The following SLC44A5 variants were observed in gnomAD, a reference collection of about 807,000 sequenced individuals.
SLC44A5 encodes choline transporter-like protein 5.
SLC44A5 carries 57 observed loss-of-function variants against 101.8 expected under a neutral mutation model. That is an observed-to-expected ratio of 0.56 (90% CI 0.45 to 0.70). SLC44A5 has a LOEUF of 0.70. SLC44A5 is among the 30% of genes least tolerant of loss of function. The pLI, the probability that SLC44A5 is intolerant of heterozygous loss-of-function variation, is 0.00. For synonymous variants in SLC44A5, 281 were observed against 290.9 expected, an observed-to-expected ratio of 0.97 and a Z score of 0.35; for missense variants, 737 against 853.1, an observed-to-expected ratio of 0.86 and a Z score of 1.70.
Position 75,330,065 on chromosome 1 carries a change from G to A in SLC44A5, c.101+9517C>T, listed in dbSNP as rs971208954. On this transcript the variant is annotated intron_variant, in intron 4 of 23. Transcript: ENST00000370859. ...TTATGTTCCCTTAAGTCTTTCCTAC[G>A]CTAGAATAATATTCTGTGTGGCAAA... Among the ~76,000 whole-genome samples, 22 of 149,200 alleles carry A rather than the reference G, an allele frequency of 1.5e-4. 1 individual carries two copies. The highest frequency in any genetic ancestry group is 6.4e-4 in the South Asian group (3 of 4,722).
At chr1:75,576,793 C>T (rs7551730) in intron 1 of SLC44A5, among the ~76,000 whole-genome samples, 47,690 of 151,944 alleles carry the variant, frequency 0.31, 8,628 homozygotes, top group Non-Finnish European at 0.42. Context: ...TGATGTCAGA[C>T]TGCCCAGGCT....
the SLC44A5 span, among the ~76,000 whole-genome samples, chr1:75,628,523 A>C: frequency 1.3e-5 from 2 of 152,136 alleles, no homozygotes; most frequent in African/African-American, 4.8e-5. Context: ...ACAACTGACA[A>C]ATGGCAATAA....
intron 2 of SLC44A5, among the ~76,000 whole-genome samples, chr1:75,477,758 G>A (rs917558431): frequency 8.5e-5 from 13 of 152,170 alleles, no homozygotes; most frequent in Admixed American, 3.9e-4. Context: ...TATGTGAAAA[G>A]ACCAAATCTA....
chr1:75,679,559 T>A, the SLC44A5 span, among the ~76,000 whole-genome samples: 1 of 151,598 alleles, frequency 6.6e-6, no homozygotes, highest in African/African-American at 2.4e-5. Flanking sequence ...GACAAGCAAA[T>A]GCTGAGAGAT....
rs79705886 is a variant in SLC44A5 at position 75,359,655 on chromosome 1, A to G, written c.53-20025T>C. Among the ~76,000 whole-genome samples, 3 of 152,008 alleles carry G rather than the reference A, an allele frequency of 2.0e-5. No individual in the cohort carries two copies. The East Asian group carries it at 5.8e-4, about 29-fold the overall frequency. ...ATGGGACTGTTGATAACTCTATAAC[A>G]TATTGATTTCAATTCCTTTGGATAT... On this transcript the variant is annotated intron_variant, in intron 3 of 23. Transcript: ENST00000370859.
At chr1:75,590,689 GT>G (rs1674299226) in intron 1 of SLC44A5, among the ~76,000 whole-genome samples, 1 of 152,230 alleles carries the variant, frequency 6.6e-6, no homozygotes, top group African/African-American at 2.4e-5. Flanking sequence ...GCCAGGGGTG[GT>G]GGTGGCTATG....
chr1:75,397,511 T>C (rs1296726754), intron 2 of SLC44A5, among the ~76,000 whole-genome samples: 2 of 152,176 alleles, frequency 1.3e-5, no homozygotes, highest in East Asian at 3.8e-4. Flanking sequence ...CGAACATTTG[T>C]AAATTGTGTT....
chr1:75,531,186 A>G (rs757049351), intron 2 of SLC44A5, among the ~76,000 whole-genome samples: 3 of 152,238 alleles, frequency 2.0e-5, no homozygotes, highest in African/African-American at 4.8e-5. Flanking sequence ...TTAGCATATT[A>G]AAAGATTTTT....
intron 5 of SLC44A5, among the ~76,000 whole-genome samples, chr1:75,291,902 C>A (rs1481219332): frequency 6.6e-6 from 1 of 151,232 alleles, no homozygotes; most frequent in Non-Finnish European, 1.5e-5. Context: ...GTCCCAGCTA[C>A]TTGGGAGGCT....
At chr1:75,614,251 CT>C (rs1675773339), upstream of SLC44A5, among the ~76,000 whole-genome samples, 1 of 152,122 alleles carries the variant, frequency 6.6e-6, no homozygotes, top group African/African-American at 2.4e-5. Flanking sequence ...TATATTCTCT[CT>C]TCTTTCTTTA....
At chr1:75,268,755 G>T (rs1261221142) in intron 6 of SLC44A5, among the ~76,000 whole-genome samples, 1 of 151,926 alleles carries the variant, frequency 6.6e-6, no homozygotes, top group Non-Finnish European at 1.5e-5. Context: ...TTCATTTCTT[G>T]AATTAACAAT....
At chr1:75,463,974 G>A (rs1189287372) in intron 2 of SLC44A5, among the ~76,000 whole-genome samples, 2 of 152,074 alleles carry the variant, frequency 1.3e-5, no homozygotes, top group East Asian at 3.9e-4. Context: ...TGTAATCCCA[G>A]CACTTTGAGA....
chr1:75,718,053 A>C, the SLC44A5 span, among the ~76,000 whole-genome samples: 1 of 152,196 alleles, frequency 6.6e-6, no homozygotes, highest in Non-Finnish European at 1.5e-5. Context: ...AGAACACAAA[A>C]ATGTAAAGAT....
chr1:75,520,645 T>G lies in SLC44A5; in HGVS notation c.13+20790A>C, dbSNP rs142676880. Among the ~76,000 whole-genome samples, 6 of 152,224 alleles carry G rather than the reference T, an allele frequency of 3.9e-5. No homozygotes were observed. In the East Asian group the frequency reaches 1.2e-3, roughly 29 times the overall value. ...AGAATTTCAACTGGGAATGATAAAC[T>G]ATAAGAAGTCAGTTTAGAAGAAATA... On this transcript the variant is annotated intron_variant, in intron 2 of 23. Transcript: ENST00000370859.
At chr1:75,439,646 C>T (rs533303454) in intron 2 of SLC44A5, among the ~76,000 whole-genome samples, 7 of 152,024 alleles carry the variant, frequency 4.6e-5, no homozygotes, top group African/African-American at 1.4e-4. Context: ...ATAGATAATC[C>T]ACAATGCAGC....
chr1:75,502,163 G>A (rs1410453363), intron 2 of SLC44A5, among the ~76,000 whole-genome samples: 4 of 152,080 alleles, frequency 2.6e-5, no homozygotes, highest in Admixed American at 2.6e-4. Flanking sequence ...CAAGTAAATG[G>A]TCAAATTCTG....
chr1:75,643,739 T>C, the SLC44A5 span, among the ~76,000 whole-genome samples: 1 of 152,264 alleles, frequency 6.6e-6, no homozygotes, highest in South Asian at 2.1e-4. Flanking sequence ...AAGTAAGACA[T>C]GGTTTTGCTT....
intron 2 of SLC44A5, among the ~76,000 whole-genome samples, chr1:75,431,114 G>A (rs6672579): frequency 0.37 from 55,655 of 151,996 alleles, 11,855 homozygotes; most frequent in Non-Finnish European, 0.49. Context: ...AATCCAAACC[G>A]TTTTATTGAA....
chr1:75,700,886 C>T, the SLC44A5 span, among the ~76,000 whole-genome samples: 1 of 152,138 alleles, frequency 6.6e-6, no homozygotes, highest in Non-Finnish European at 1.5e-5. Flanking sequence ...CACCTCTATG[C>T]AAATAAACTG....
Sources: gnomAD v4.1 joint callset for allele counts (sites outside exome capture counted in the v4.1 genomes callset) on GRCh38, gnomAD v4.1.1 for gene constraint, MANE v1.5 for transcripts, NCBI Gene and HGNC (gene_info 2026-07-23, HGNC 2026-07-21) for gene names.